The following DEK variants were observed in gnomAD, a reference collection of about 807,000 sequenced individuals.
DEK encodes the protein DEK proto-oncogene, also known as protein DEK.
DEK carries 28 observed loss-of-function variants against 46.8 expected under a neutral mutation model. The ratio of observed to expected loss-of-function variants is 0.60; its 90% CI spans 0.44 to 0.82. DEK has a LOEUF of 0.82. Among genes scored for constraint, DEK ranks in the 40% least tolerant of loss-of-function variants. DEK has a pLI of 0.00. For missense variants in DEK, 416 were observed against 430.6 expected (o/e 0.97, Z 0.30); for synonymous variants, 160 against 144.5 (o/e 1.11, Z -0.77).
In DEK at chr6:18,240,149, T is replaced by C. The variant is rs541713362; in HGVS notation, c.763-2633A>G. On this transcript the variant is annotated intron_variant, in intron 7 of 10. Transcript: ENST00000652689. ...ATGACATCATTTTAAAACCTGCAAA[T>C]TGTGAGTAGTGACAGTTTGTCAAAG... 3.3e-5 allele frequency among the ~76,000 whole-genome samples: 5 copies of C among 152,340 alleles called. No homozygotes were observed. The East Asian group carries it at 9.6e-4, about 29-fold the overall frequency.
At chr6:18,239,443 T>C (rs1025318168) in intron 7 of DEK, among the ~76,000 whole-genome samples, 1 of 148,374 alleles carries the variant, frequency 6.7e-6, no homozygotes, top group Admixed American at 6.8e-5. Context: ...TAGTTGGGAC[T>C]ACAGGCACAC....
chr6:18,241,692 GA>G (rs1234453222), intron 7 of DEK, among the ~76,000 whole-genome samples: 1 of 152,144 alleles, frequency 6.6e-6, no homozygotes, highest in Non-Finnish European at 1.5e-5. Context: ...ACTTTTCTTT[GA>G]AGTGCCAGAT....
At chr6:18,229,305 A>G (rs1393297281) in intron 9 of DEK, among the ~76,000 whole-genome samples, 1 of 152,234 alleles carries the variant, frequency 6.6e-6, no homozygotes, top group Non-Finnish European at 1.5e-5. Flanking sequence ...AAAGCTGAAA[A>G]TTCTAAAAAT....
chr6:18,259,956 T>C (rs887741429), intron 2 of DEK, among the ~76,000 whole-genome samples: 2 of 152,216 alleles, frequency 1.3e-5, no homozygotes, highest in African/African-American at 2.4e-5. Flanking sequence ...CTTAGTGATT[T>C]AAACTATTTG....
intron 5 of DEK, 121 bp from the exon 6 acceptor site, chr6:18,255,972 A>G (rs1420779477): frequency 5.2e-5 from 59 of 1,134,462 alleles, no homozygotes; most frequent in Non-Finnish European, 3.7e-5. Context: ...AAAGTGGCCA[A>G]TGCTTCTATG....
chr6:18,245,225 A>G (rs1469658371), intron 7 of DEK, among the ~76,000 whole-genome samples: 2 of 152,218 alleles, frequency 1.3e-5, no homozygotes, highest in Non-Finnish European at 2.9e-5. Flanking sequence ...CATGAATACA[A>G]TGTCTAAAGG....
At position 18,255,788 on chromosome 6, in the gene DEK, A is replaced by G. The variant is rs534803714; in HGVS notation, c.516T>C (p.Asn172=). Residue 172 remains asparagine, a synonymous_variant, in exon 6 of 11, where the codon AAT becomes AAC. Coordinates refer to ENST00000652689, the MANE Select transcript of DEK (RefSeq NM_003472.4). ...TCAAGATCCTCTTCACTAGTTCACTATTTACACCTGATCTCTCCAAATCAA... is the reference window on the plus strand; with the variant it reads ...TCAAGATCCTCTTCACTAGTTCACTGTTTACACCTGATCTCTCCAAATCAA... The part of the protein sequence containing the change: ...EVLDLERSGV[N]SELVKRILNF... The G allele has an allele frequency of 1.2e-5, 19 of 1,612,924 alleles. No homozygotes were observed. The South Asian group carries it at 1.7e-4, about 14-fold the overall frequency.
At position 18,231,715 on chromosome 6, in the gene DEK, A is replaced by G. The variant is rs368508232; in HGVS notation, c.1047+4737T>C. ...AATAACAGGTTCTGAAATTGAGGCA[A>G]TAATTAACAGCCTACCAACCAAAAA... On this transcript the variant is annotated intron_variant, in intron 9 of 10. Transcript: ENST00000652689. Among the ~76,000 whole-genome samples the G allele has an allele frequency of 5.9e-5, 9 of 152,360 alleles. No individual in the cohort carries two copies. In the East Asian group the frequency reaches 9.6e-4, roughly 16 times the overall value.
At chr6:18,254,491 A>G (rs949094928) in intron 6 of DEK, among the ~76,000 whole-genome samples, 5 of 151,546 alleles carry the variant, frequency 3.3e-5, no homozygotes, top group African/African-American at 1.2e-4. Context: ...TATTTTTCCT[A>G]GAAAATATTA....
intron 9 of DEK, 82 bp downstream of exon 9, chr6:18,236,370 T>G: frequency 6.9e-7 from 1 of 1,457,890 alleles, no homozygotes. Flanking sequence ...TGAATGCACG[T>G]AAGTATTTAG....
At chr6:18,237,360 T>C in intron 8 of DEK, 21 bp downstream of exon 8, 1 of 1,582,680 alleles carries the variant, frequency 6.3e-7, no homozygotes. Flanking sequence ...AAGTTGCTGA[T>C]TAATGTTATT....
intron 6 of DEK, among the ~76,000 whole-genome samples, chr6:18,252,096 CAAAT>C (rs1404952697): frequency 2.0e-5 from 3 of 151,904 alleles, no homozygotes; most frequent in East Asian, 1.9e-4. Flanking sequence ...ATCTGATTAA[CAAAT>C]AAAATAAGGT....
chr6:18,228,976 G>C (rs553988356), intron 9 of DEK, among the ~76,000 whole-genome samples: 1 of 152,204 alleles, frequency 6.6e-6, no homozygotes, highest in African/African-American at 2.4e-5. Flanking sequence ...TGTCCCCTGA[G>C]TGGCCTAACT....
intron 6 of DEK, among the ~76,000 whole-genome samples, chr6:18,253,058 T>C (rs1392370620): frequency 6.6e-6 from 1 of 152,134 alleles, no homozygotes; most frequent in Non-Finnish European, 1.5e-5. Context: ...TGTATCTGAG[T>C]TGTGAGCTAA....
At chr6:18,239,437 T>C (rs755774614) in intron 7 of DEK, among the ~76,000 whole-genome samples, 18 of 150,394 alleles carry the variant, frequency 1.2e-4, no homozygotes, top group Non-Finnish European at 2.5e-4. Flanking sequence ...CCTGAGTAGT[T>C]GGGACTACAG....
intron 9 of DEK, among the ~76,000 whole-genome samples, chr6:18,228,787 G>A (rs910762402): frequency 6.6e-6 from 1 of 152,226 alleles, no homozygotes; most frequent in Admixed American, 6.5e-5. Context: ...TAGCACGGCA[G>A]TGTAAGATTT....
At chr6:18,245,102 CA>C (rs761567026) in intron 7 of DEK, among the ~76,000 whole-genome samples, 40 of 152,202 alleles carry the variant, frequency 2.6e-4, no homozygotes, top group Admixed American at 7.2e-4. Context: ...GGGCAGACAA[CA>C]AAGTGCTGGC....
intron 4 of DEK, among the ~76,000 whole-genome samples, chr6:18,257,070 TTA>T (rs1172433431): frequency 6.6e-6 from 1 of 152,192 alleles, no homozygotes; most frequent in Admixed American, 6.5e-5. Context: ...GTTCCCTCGA[TTA>T]TATAATATAC....
chr6:18,255,892 A>C (rs895331445), intron 5 of DEK, 41 bp from the exon 6 acceptor site: 1 of 1,577,250 alleles, frequency 6.3e-7, no homozygotes, highest in Non-Finnish European at 8.5e-7. Flanking sequence ...TTAATATAGG[A>C]AAGCTTACAT....
Sources: gnomAD v4.1 joint callset for allele counts (sites outside exome capture counted in the v4.1 genomes callset) on GRCh38, gnomAD v4.1.1 for gene constraint, MANE v1.5 for transcripts, NCBI Gene and HGNC (gene_info 2026-07-23, HGNC 2026-07-21) for gene names.